CFAP44: variants seen among roughly 807,000 people sequenced by gnomAD.
CFAP44 encodes cilia- and flagella-associated protein 44.
CFAP44 carries 134 observed loss-of-function variants against 216.2 expected under a neutral mutation model. The ratio of observed to expected loss-of-function variants is 0.62; its 90% CI spans 0.54 to 0.72. The LOEUF (loss-of-function observed/expected upper bound fraction) is 0.72. Ranked by LOEUF, CFAP44 falls within the 30% of genes least tolerant of loss-of-function variation. The pLI, the probability that CFAP44 is intolerant of heterozygous loss-of-function variation, is 0.00. For synonymous variants in CFAP44, 700 were observed against 727.6 expected (o/e 0.96, Z 0.61); for missense variants, 2,035 against 2,182.1 (o/e 0.93, Z 1.34).
chr3:113,380,857 A>G, intron 16 of CFAP44, 42 bp downstream of exon 16: 1 of 1,454,346 alleles, frequency 6.9e-7, no homozygotes, highest in Non-Finnish European at 9.2e-7. Flanking sequence ...ATTCTAAGGA[A>G]AGGAAATTAT....
intron 6 of CFAP44, among the ~76,000 whole-genome samples, chr3:113,411,891 T>C (rs1056475661): frequency 4.6e-5 from 7 of 151,456 alleles, no homozygotes; most frequent in Non-Finnish European, 1.0e-4. Flanking sequence ...GGTATTTTAT[T>C]CTCTTTGAAG....
chr3:113,296,672 T>C, intron 33 of CFAP44, 53 bp downstream of exon 33: 1 of 1,520,994 alleles, frequency 6.6e-7, no homozygotes, highest in Non-Finnish European at 8.8e-7. Context: ...CTCCCTGGGA[T>C]TTCTTGCCTC....
chr3:113,375,344 T>C (rs915840351), intron 17 of CFAP44, among the ~76,000 whole-genome samples: 3 of 152,204 alleles, frequency 2.0e-5, no homozygotes, highest in African/African-American at 7.2e-5. Flanking sequence ...TTATGTTATA[T>C]GTCTTTTACT....
At chr3:113,307,762 G>A (rs1437476260) in intron 29 of CFAP44, among the ~76,000 whole-genome samples, 1 of 152,188 alleles carries the variant, frequency 6.6e-6, no homozygotes, top group African/African-American at 2.4e-5. Flanking sequence ...GAGGTCAGGA[G>A]ATCAAGACCA....
In CFAP44 at chr3:113,291,642, A is replaced by G. The variant is rs1008778183; in HGVS notation, c.5480T>C (p.Ile1827Thr). 2.6e-6 allele frequency: 4 copies of G among 1,537,340 alleles called. No homozygotes were observed. The highest frequency in any genetic ancestry group is 1.2e-5 in the South Asian group (1 of 84,060). The part of the protein sequence containing the change: ...AERISALKEE[I>T]ALLRRKGSLI... Reference sequence around the variant, plus strand: ...ACTGCCTTTCCTACGCAAAAGAGCAATCTCCTCCTTTAAGGCCGAAATCCT... The same window carrying G: ...ACTGCCTTTCCTACGCAAAAGAGCAGTCTCCTCCTTTAAGGCCGAAATCCT... Residue 1827 changes from isoleucine to threonine, a missense_variant, in exon 35 of 35, where the codon ATT (isoleucine) becomes ACT (threonine). By Grantham distance (89) the Ile-to-Thr change is moderately conservative. Around this residue, in one of 3 missense-constraint regions of CFAP44, gnomAD observed 1,883 missense variants for 2,023.7 expected, o/e 0.93. Transcript: ENST00000393845.
At chr3:113,404,733 C>T (rs771687748) in intron 8 of CFAP44, among the ~76,000 whole-genome samples, 5 of 152,248 alleles carry the variant, frequency 3.3e-5, no homozygotes, top group South Asian at 4.1e-4. Context: ...TTCTGACCCC[C>T]GCAAAGGAAC....
At chr3:113,378,459 TGAG>T (rs1181730725) in intron 17 of CFAP44, among the ~76,000 whole-genome samples, 1 of 152,074 alleles carries the variant, frequency 6.6e-6, no homozygotes, top group African/African-American at 2.4e-5. Context: ...TAGGAAAAGT[TGAG>T]GAGGGAAAAA....
chr3:113,419,616 T>C (rs893158434), intron 5 of CFAP44, among the ~76,000 whole-genome samples: 1 of 152,186 alleles, frequency 6.6e-6, no homozygotes, highest in African/African-American at 2.4e-5. Context: ...ACATCCTATG[T>C]GTGTGTCTCA....
At position 113,379,971 on chromosome 3, in the gene CFAP44, T is replaced by C. The variant is rs187750106; in HGVS notation, c.2053-420A>G. ...GCCCTCTGACACTGGTATTTCCGCC[T>C]CCCATCTTTTACTACTTCATTCTGT... is the stretch of plus-strand genomic sequence containing the variant. On this transcript the variant is annotated intron_variant, in intron 16 of 34. Transcript: ENST00000393845. Among the ~76,000 whole-genome samples the C allele has an allele frequency of 4.2e-3, 639 of 152,292 alleles. 19 individuals carry two copies. The highest frequency in any genetic ancestry group is 0.036 in the Admixed American group (546 of 15,306).
chr3:113,333,542 T>C lies in CFAP44; in HGVS notation c.3479A>G (p.Asp1160Gly), dbSNP rs1383325856. ...CTGGGCTTCTTTGATGGCTTGAAGA[T>C]CTTTGGGATCTTCATAGTCATCACC... ...KPGDDYEDPK[D>G]LQAIKEAQVY... The change falls in exon 25 of 35, where the codon GAT becomes GGT. Residue 1160 changes from aspartate (D) to glycine (G), a missense_variant. By Grantham distance (94) the Asp-to-Gly change is moderately conservative. Coordinates refer to ENST00000393845, the MANE Select transcript of CFAP44 (RefSeq NM_001164496.2). 2 of 1,536,812 alleles carry C rather than the reference T, an allele frequency of 1.3e-6. No individual in the cohort carries two copies. The highest frequency in any genetic ancestry group is 1.2e-5 in the South Asian group (1 of 83,998).
In CFAP44 at chr3:113,413,024, C is replaced by T. The variant is rs192728947; in HGVS notation, c.673+3501G>A. On this transcript the variant is annotated intron_variant, in intron 6 of 34. Coordinates refer to ENST00000393845, the MANE Select transcript of CFAP44 (RefSeq NM_001164496.2). ...AAGCATTCCTATTTCTCCAGAGCCT[C>T]GCCAGCATCTACTGTTTCCTGACTT... Among the ~76,000 whole-genome samples the T allele has an allele frequency of 1.4e-3, 209 of 152,214 alleles. 1 individual carries two copies. Among genetic ancestry groups the T allele is most frequent in the Non-Finnish European group, 1.8e-3 (124 of 68,010 alleles).
intron 13 of CFAP44, among the ~76,000 whole-genome samples, chr3:113,397,895 G>A (rs1195052475): frequency 1.3e-5 from 2 of 152,014 alleles, no homozygotes; most frequent in Non-Finnish European, 2.9e-5. Flanking sequence ...GGAGTTCGAG[G>A]TCCCCTTGAG....
In CFAP44 at chr3:113,287,991, T is replaced by C. The variant is rs1416404589; in HGVS notation, c.*3566A>G. On this transcript the variant is annotated 3_prime_UTR_variant, in exon 35 of 35. Transcript: ENST00000393845. ...ATAGATTCTTTTTTAATTGAAATTT[T>C]AAAATCTTTATATGTGGAAGTGGAA... 1 of 152,218 alleles carries C rather than the reference T, an allele frequency of 6.6e-6. No individual in the cohort carries two copies. Among genetic ancestry groups the C allele is most frequent in the Non-Finnish European group, 1.5e-5 (1 of 68,040 alleles). 9.4% of individuals were successfully genotyped at this position (152,218 alleles called of 1,614,324 possible). A position where few individuals can be genotyped will look rare whatever the true frequency, so the allele number is the denominator to read the frequency against.
intron 31 of CFAP44, 96 bp from the exon 32 acceptor site, chr3:113,304,213 T>C (rs1465109592): frequency 5.4e-6 from 7 of 1,288,212 alleles, no homozygotes; most frequent in Non-Finnish European, 7.3e-6. Context: ...CTTTGCCCCT[T>C]GTTTAGCTCC....
intron 15 of CFAP44, 129 bp downstream of exon 15, chr3:113,395,621 C>T (rs1249077926): frequency 1.0e-5 from 7 of 698,224 alleles, no homozygotes; most frequent in African/African-American, 3.7e-5. Context: ...TTTCTGTTGC[C>T]GCATCCCTGA....
chr3:113,416,687 A>T, intron 5 of CFAP44, 60 bp from the exon 6 acceptor site: 1 of 1,226,814 alleles, frequency 8.2e-7, no homozygotes, highest in East Asian at 2.5e-5. Flanking sequence ...AAATAGTCTG[A>T]TTAATGCAGT....
intron 24 of CFAP44, among the ~76,000 whole-genome samples, chr3:113,334,535 G>A (rs1950266051): frequency 6.6e-6 from 1 of 151,888 alleles, no homozygotes; most frequent in Admixed American, 6.5e-5. Flanking sequence ...ATACCCACAA[G>A]ATAAGGCCAC....
chr3:113,293,776 T>A (rs1949854086), intron 34 of CFAP44, among the ~76,000 whole-genome samples: 1 of 152,232 alleles, frequency 6.6e-6, no homozygotes, highest in African/African-American at 2.4e-5. Context: ...TCCTCCTAAT[T>A]CACTTTTCAT....
intron 7 of CFAP44, among the ~76,000 whole-genome samples, chr3:113,408,602 C>T (rs916064345): frequency 1.3e-5 from 2 of 152,192 alleles, no homozygotes; most frequent in African/African-American, 4.8e-5. Flanking sequence ...CAGTGGCTTA[C>T]GCCTGCAATC....
Sources: gnomAD v4.1 joint callset for allele counts (sites outside exome capture counted in the v4.1 genomes callset) on GRCh38, gnomAD v4.1.1 for gene constraint, gnomAD v4.1.1 regional missense constraint, MANE v1.5 for transcripts, NCBI Gene and HGNC (gene_info 2026-07-23, HGNC 2026-07-21) for gene names.